BICRAL: variants seen among roughly 807,000 people sequenced by gnomAD.
The protein encoded by BICRAL is BICRA like chromatin remodeling complex associated protein, also known as BRD4-interacting chromatin-remodeling complex-associated protein-like.
In BICRAL, 8 loss-of-function variants were observed where a neutral mutation model predicts 91.8. The ratio of observed to expected loss-of-function variants is 0.09; its 90% CI spans 0.05 to 0.16. BICRAL has a LOEUF of 0.16. Ranked by LOEUF, BICRAL falls within the 10% of genes least tolerant of loss-of-function variation. BICRAL has a pLI of 1.00. For synonymous variants in BICRAL, 445 were observed against 491.1 expected (o/e 0.91, Z 1.24); for missense variants, 1,038 against 1,310.9 (o/e 0.79, Z 3.21).
intron 1 of BICRAL, among the ~76,000 whole-genome samples, chr6:42,808,222 T>C (rs988331008): frequency 9.2e-5 from 14 of 151,772 alleles, no homozygotes; most frequent in Non-Finnish European, 1.5e-4. Flanking sequence ...ACCTTCACCT[T>C]CCAGGTTTAA....
intron 6 of BICRAL, among the ~76,000 whole-genome samples, chr6:42,846,322 C>T (rs1454942383): frequency 2.0e-5 from 3 of 151,814 alleles, no homozygotes; most frequent in African/African-American, 4.8e-5. Context: ...AAGCTGAGAT[C>T]GCGCCATTGC....
intron 10 of BICRAL, among the ~76,000 whole-genome samples, chr6:42,857,776 G>C (rs944829508): frequency 6.9e-6 from 1 of 144,912 alleles, no homozygotes; most frequent in Admixed American, 6.9e-5. Flanking sequence ...CATAGTCCTT[G>C]CCTTTAGGCC....
intron 6 of BICRAL, among the ~76,000 whole-genome samples, chr6:42,839,857 C>CA (rs1562488110): frequency 6.6e-6 from 1 of 152,126 alleles, no homozygotes; most frequent in Non-Finnish European, 1.5e-5. Flanking sequence ...CTTTGTGTCA[C>CA]AAGACACTGT....
Position 42,842,813 on chromosome 6 carries a change from A to G in BICRAL, c.1840-9279A>G, listed in dbSNP as rs572619667. ...ACATGCCAGCCCCAGACATATAACA[A>G]TGTATCCCAGACAGACAGATAAGCC... On this transcript the variant is annotated intron_variant, in intron 6 of 12. Transcript: ENST00000314073. Among the ~76,000 whole-genome samples, 12 of 152,134 alleles carry G rather than the reference A, an allele frequency of 7.9e-5. 1 individual carries two copies. In the East Asian group the frequency reaches 1.9e-3, roughly 24 times the overall value.
chr6:42,819,629 CT>C (rs750759077), intron 2 of BICRAL, among the ~76,000 whole-genome samples: 4 of 152,146 alleles, frequency 2.6e-5, no homozygotes, highest in African/African-American at 9.7e-5. Flanking sequence ...CAATTTTGCT[CT>C]GGTAAATTTA....
intron 1 of BICRAL, among the ~76,000 whole-genome samples, chr6:42,748,632 G>A (rs1332907614): frequency 6.6e-6 from 1 of 152,172 alleles, no homozygotes; most frequent in East Asian, 1.9e-4. Context: ...CAGGTGACCC[G>A]GTGTGTTAGG....
At chr6:42,761,198 TA>T in intron 1 of BICRAL, among the ~76,000 whole-genome samples, 1 of 152,334 alleles carries the variant, frequency 6.6e-6, no homozygotes, top group East Asian at 1.9e-4. Flanking sequence ...CTCACGCCTG[TA>T]ATCCCAGCAG....
chr6:42,833,065 T>A (rs1394171558), intron 6 of BICRAL, among the ~76,000 whole-genome samples: 1 of 151,780 alleles, frequency 6.6e-6, no homozygotes, highest in Non-Finnish European at 1.5e-5. Flanking sequence ...TGTCTTTTTT[T>A]TTTTTTTTGA....
chr6:42,802,428 TTTGTTGTTGTTG>T (rs1554277645), intron 1 of BICRAL, among the ~76,000 whole-genome samples: 4 of 103,938 alleles, frequency 3.8e-5, no homozygotes, highest in African/African-American at 5.6e-5. Context: ...CGTGTTTTTT[TTTGTTGTTGTTG>T]TTGTTGTTGT....
At chr6:42,814,134 G>T in intron 2 of BICRAL, among the ~76,000 whole-genome samples, 1 of 149,482 alleles carries the variant, frequency 6.7e-6, no homozygotes, top group South Asian at 2.1e-4. Flanking sequence ...AAATTTGTTT[G>T]TAAATTATTA....
intron 1 of BICRAL, among the ~76,000 whole-genome samples, chr6:42,793,296 A>ATTTTTTTTTTTTTTTTTTTTT (rs35332872): frequency 2.2e-4 from 5 of 22,974 alleles, no homozygotes; most frequent in Non-Finnish European, 2.9e-4. Context: ...GACCCAGCTA[A>ATTTTTTTTTTTTTTTTTTTTT]TTTTTTTTTT....
intron 1 of BICRAL, among the ~76,000 whole-genome samples, chr6:42,802,426 TTTTTG>T (rs1469994019): frequency 3.8e-5 from 5 of 132,228 alleles, no homozygotes; most frequent in African/African-American, 1.2e-4. Context: ...TTCGTGTTTT[TTTTTG>T]TTGTTGTTGT....
At chr6:42,840,363 C>T (rs916203095) in intron 6 of BICRAL, among the ~76,000 whole-genome samples, 5 of 151,686 alleles carry the variant, frequency 3.3e-5, no homozygotes, top group African/African-American at 1.2e-4. Context: ...CTGCCTCAGC[C>T]TCCCAAGTAG....
rs745652631 is a variant in BICRAL at position 42,770,877 on chromosome 6, G to GAC, written c.-260-10961_-260-10960dup. 5.0e-3 allele frequency among the ~76,000 whole-genome samples: 756 copies of GAC among 151,858 alleles called. 5 individuals carry two copies. Among genetic ancestry groups the GAC allele is most frequent in the Non-Finnish European group, 8.5e-3 (577 of 67,966 alleles). ...CGCTAATTTTTGTATTTTTAGTAGA[G>GAC]ACGGGGTTTCACCACGTTGGCCACG... On this transcript the variant is annotated intron_variant, in intron 1 of 14. Coordinates refer to the BICRAL transcript ENST00000614467.
intron 1 of BICRAL, among the ~76,000 whole-genome samples, chr6:42,761,102 G>A (rs143280331): frequency 7.0e-4 from 106 of 152,288 alleles, no homozygotes; most frequent in African/African-American, 2.4e-3. Flanking sequence ...GTTCTCTCAC[G>A]TCTCTTCCTA....
rs553361230 is a variant in BICRAL, at chr6:42,836,623, T to C, written c.1839+6451T>C. ...TATTTGCTTTCTGTGTAGTTTCTTT[T>C]TTTTTTTTTTTTTTTTGAGATGGAG... On this transcript the variant is annotated intron_variant, in intron 6 of 12. Transcript: ENST00000314073. Among the ~76,000 whole-genome samples, 12 of 147,900 alleles carry C rather than the reference T, an allele frequency of 8.1e-5. No individual in the cohort carries two copies. In the South Asian group the frequency reaches 8.7e-4, roughly 11 times the overall value.
upstream of BICRAL, among the ~76,000 whole-genome samples, chr6:42,777,151 G>A (rs1762818112): frequency 6.6e-6 from 1 of 152,210 alleles, no homozygotes; most frequent in East Asian, 1.9e-4. Flanking sequence ...ATATTCACAT[G>A]GGAAGATCTC....
At chr6:42,856,409 C>G (rs1765355794) in intron 9 of BICRAL, among the ~76,000 whole-genome samples, 1 of 97,402 alleles carries the variant, frequency 1.0e-5, no homozygotes, top group Non-Finnish European at 1.8e-5. Context: ...GAGTCTTGCT[C>G]TGTCGTCCAG....
intron 1 of BICRAL, among the ~76,000 whole-genome samples, chr6:42,751,741 C>T (rs1489635734): frequency 2.0e-5 from 3 of 151,140 alleles, no homozygotes; most frequent in Non-Finnish European, 3.0e-5. Flanking sequence ...CACCGCAACC[C>T]CCGCCTCCTG....
Sources: allele counts gnomAD v4.1 joint callset (sites outside exome capture counted in the v4.1 genomes callset), GRCh38; gene constraint gnomAD v4.1.1; transcripts MANE v1.5; gene names NCBI Gene and HGNC (gene_info 2026-07-23, HGNC 2026-07-21).